ARHGEF12: variants seen among roughly 807,000 people sequenced by gnomAD.
ARHGEF12 encodes KMT2A/ARHGEF12 fusion protein.
In ARHGEF12, 66 loss-of-function variants were observed where a neutral mutation model predicts 211.2. That is an observed-to-expected ratio of 0.31 (90% CI 0.26 to 0.38). ARHGEF12 has a LOEUF of 0.38. Ranked by LOEUF, ARHGEF12 falls within the 10% of genes least tolerant of loss-of-function variation. The probability of loss-of-function intolerance (pLI) is 1.00; values close to 1 mark genes in which losing one functional copy is unlikely to be tolerated. For missense variants in ARHGEF12, 1,429 were observed against 1,869.5 expected (o/e 0.76, Z 4.34); for synonymous variants, 592 against 638.4 (o/e 0.93, Z 1.09).
intron 39 of ARHGEF12, among the ~76,000 whole-genome samples, chr11:120,484,064 C>T (rs1947333365): frequency 6.6e-6 from 1 of 152,308 alleles, no homozygotes; most frequent in East Asian, 1.9e-4. Context: ...CCATAATAAT[C>T]TTAAGGGACC....
At chr11:120,484,567 CTT>C (rs1947349363) in intron 40 of ARHGEF12, 60 bp downstream of exon 40, 1 of 1,398,994 alleles carries the variant, frequency 7.1e-7, no homozygotes, top group African/African-American at 1.4e-5. Flanking sequence ...AATGAAATGA[CTT>C]ATCATACTTT....
At position 120,484,437 on chromosome 11, in the gene ARHGEF12, G is replaced by A; in HGVS notation, c.4555-1G>A. 1 of 1,613,504 alleles carries A rather than the reference G, an allele frequency of 6.2e-7. No homozygotes were observed. Among genetic ancestry groups the A allele is most frequent in the Non-Finnish European group, 8.5e-7 (1 of 1,179,760 alleles). On this transcript the variant is annotated splice_acceptor_variant, in intron 39 of 40. Transcript: ENST00000397843. LOFTEE classifies it high-confidence loss of function. Reference sequence around the variant, plus strand: ...AAAAACCTATGGGTTTTATTTCACAGAAGGTGGAGGAAAGTTACACCATTC... The same window carrying A: ...AAAAACCTATGGGTTTTATTTCACAAAAGGTGGAGGAAAGTTACACCATTC...
At chr11:120,419,785 GAA>G (rs1186000764) in intron 4 of ARHGEF12, among the ~76,000 whole-genome samples, 1 of 151,962 alleles carries the variant, frequency 6.6e-6, no homozygotes, top group Non-Finnish European at 1.5e-5. Context: ...AAAATCTTTA[GAA>G]AAAGTTTTTA....
intron 1 of ARHGEF12, among the ~76,000 whole-genome samples, chr11:120,380,542 T>C (rs557039377): frequency 1.3e-5 from 2 of 152,344 alleles, no homozygotes; most frequent in African/African-American, 4.8e-5. Flanking sequence ...CTGCGTTTGC[T>C]GCTGTTGCTC....
At chr11:120,451,274 G>T in intron 21 of ARHGEF12, 1 of 376,414 alleles carries the variant, frequency 2.7e-6, no homozygotes, top group Admixed American at 4.2e-5. Context: ...CGCCTCCCGG[G>T]TTGGAGCGAT....
chr11:120,357,361 G>A (rs750292736), intron 1 of ARHGEF12, among the ~76,000 whole-genome samples: 6 of 152,158 alleles, frequency 3.9e-5, no homozygotes, highest in Non-Finnish European at 7.4e-5. Context: ...ATCAGATACT[G>A]TTTCTGCCTT....
chr11:120,406,645 G>A (rs868575256), intron 2 of ARHGEF12, among the ~76,000 whole-genome samples: 26 of 152,066 alleles, frequency 1.7e-4, no homozygotes, highest in Non-Finnish European at 2.6e-4. Flanking sequence ...TGCAAGCACC[G>A]CCTCCCGGGT....
intron 1 of ARHGEF12, among the ~76,000 whole-genome samples, chr11:120,401,406 C>G (rs1944544328): frequency 6.6e-6 from 1 of 152,084 alleles, no homozygotes; most frequent in Non-Finnish European, 1.5e-5. Flanking sequence ...GTATTGCAGA[C>G]AAATGTCCTC....
intron 7 of ARHGEF12, among the ~76,000 whole-genome samples, chr11:120,425,707 T>C (rs1376768102): frequency 6.6e-6 from 1 of 151,480 alleles, no homozygotes; most frequent in Non-Finnish European, 1.5e-5. Context: ...TATAACTTCC[T>C]TTTTCTTTGT....
At chr11:120,385,969 A>G (rs1944019150) in intron 1 of ARHGEF12, among the ~76,000 whole-genome samples, 1 of 152,118 alleles carries the variant, frequency 6.6e-6, no homozygotes, top group Admixed American at 6.5e-5. Flanking sequence ...GATTAATATT[A>G]CAGTGGGGGA....
chr11:120,447,957 G>A (rs1946093844), intron 19 of ARHGEF12, 51 bp downstream of exon 19: 1 of 1,371,808 alleles, frequency 7.3e-7, no homozygotes. Context: ...AAAGAACTAT[G>A]TTTTTTTCCT....
rs1942783816 is a variant in ARHGEF12, at chr11:120,347,200, C to CTTTCTTTCTTTCT, written c.32+9930_32+9931insTTCTTTCTTTTCT. Among the ~76,000 whole-genome samples the CTTTCTTTCTTTCT allele has an allele frequency of 2.1e-5, 3 of 139,776 alleles. No homozygotes were observed. The Admixed American group carries it at 2.2e-4, about 10-fold the overall frequency. 91.7% of individuals were successfully genotyped at this position (139,776 alleles called of 152,430 possible). A position where few individuals can be genotyped will look rare whatever the true frequency, so the allele number is the denominator to read the frequency against. ...CCTTCCTTCCTTTCTTTCTTTCTTT[C>CTTTCTTTCTTTCT]TTTCTCTTTCTTTTTCTTTCTTTCT... On this transcript the variant is annotated intron_variant, in intron 1 of 40. Transcript: ENST00000397843.
chr11:120,424,371 T>C lies in ARHGEF12; in HGVS notation c.362T>C (p.Leu121Pro). Reference protein sequence around the residue: ...GDRIIKVNGTLVTHSNHLEVV... With the variant: ...GDRIIKVNGTPVTHSNHLEVV... The stretch of plus-strand genomic sequence containing the variant: ...GTTTTCTTACAGGTGAATGGAACTC[T>C]GGTGACTCATTCAAATCATCTGGAG... The change falls in exon 7 of 41, where the codon CTG becomes CCG. Residue 121 changes from leucine to proline, a missense_variant. Physicochemically the swap from Leu to Pro is moderately conservative, Grantham distance 98 (BLOSUM62 -3). Coordinates refer to ENST00000397843, the MANE Select transcript of ARHGEF12 (RefSeq NM_015313.3). 1.2e-6 allele frequency: 2 copies of C among 1,613,236 alleles called. No individual in the cohort carries two copies. The highest frequency in any genetic ancestry group is 1.7e-6 in the Non-Finnish European group (2 of 1,179,432).
At position 120,363,971 on chromosome 11, in the gene ARHGEF12, G is replaced by A. The variant is rs977034304; in HGVS notation, c.32+26696G>A. 4.8e-4 allele frequency among the ~76,000 whole-genome samples: 73 copies of A among 152,178 alleles called. 2 individuals are homozygous for A. The highest frequency in any genetic ancestry group is 1.5e-5 in the Non-Finnish European group (1 of 68,042). On this transcript the variant is annotated intron_variant, in intron 1 of 40. Transcript: ENST00000397843. ...GTGATATTCACTTGTTTGGGGGGCTGTTTGGAGACAGGGTCTCACTACATT... is the reference window on the plus strand; with the variant it reads ...GTGATATTCACTTGTTTGGGGGGCTATTTGGAGACAGGGTCTCACTACATT...
chr11:120,433,264 C>G (rs1374534355), intron 11 of ARHGEF12, among the ~76,000 whole-genome samples: 1 of 152,102 alleles, frequency 6.6e-6, no homozygotes, highest in African/African-American at 2.4e-5. Flanking sequence ...TTTGAAAATG[C>G]GTAACATTTT....
intron 15 of ARHGEF12, among the ~76,000 whole-genome samples, chr11:120,442,824 G>A (rs556639898): frequency 2.0e-5 from 3 of 151,602 alleles, no homozygotes; most frequent in East Asian, 3.9e-4. Context: ...TCCCTTAGAC[G>A]ACTGCCTCAT....
At chr11:120,419,328 A>G (rs746675043) in intron 4 of ARHGEF12, among the ~76,000 whole-genome samples, 23 of 151,086 alleles carry the variant, frequency 1.5e-4, no homozygotes, top group Admixed American at 2.6e-4. Flanking sequence ...TTTTTCTTTT[A>G]TGGTTTATAA....
chr11:120,466,261 T>G (rs1946704028), intron 28 of ARHGEF12, among the ~76,000 whole-genome samples: 1 of 152,218 alleles, frequency 6.6e-6, no homozygotes, highest in Non-Finnish European at 1.5e-5. Flanking sequence ...CAGAGTTCAT[T>G]TCTTTGTAAA....
chr11:120,343,591 C>T (rs1251586919), intron 1 of ARHGEF12, among the ~76,000 whole-genome samples: 1 of 152,222 alleles, frequency 6.6e-6, no homozygotes, highest in African/African-American at 2.4e-5. Flanking sequence ...GGATCTTTTA[C>T]TAATTCAAAT....
Sources: gnomAD v4.1 joint callset for allele counts (sites outside exome capture counted in the v4.1 genomes callset) on GRCh38, gnomAD v4.1.1 for gene constraint, MANE v1.5 for transcripts, NCBI Gene and HGNC (gene_info 2026-07-23, HGNC 2026-07-21) for gene names.